WDPCP: variants seen among roughly 807,000 people sequenced by gnomAD.
The protein encoded by WDPCP is WD repeat-containing and planar cell polarity effector protein fritz homolog.
Under a neutral mutation model 93.1 loss-of-function variants are expected in WDPCP, and 71 were observed. That is an observed-to-expected ratio of 0.76 (90% CI 0.63 to 0.93). WDPCP has a LOEUF of 0.93. Among genes scored for constraint, WDPCP ranks in the 40% least tolerant of loss-of-function variants. The pLI, the probability that WDPCP is intolerant of heterozygous loss-of-function variation, is 0.00. For synonymous variants in WDPCP, 315 were observed against 315.0 expected (o/e 1.00, Z 0.00); for missense variants, 844 against 887.4 (o/e 0.95, Z 0.62).
chr2:63,433,358 TAAC>T (rs967488880), intron 9 of WDPCP, among the ~76,000 whole-genome samples: 1 of 152,334 alleles, frequency 6.6e-6, no homozygotes. Flanking sequence ...ATAATGATAA[TAAC>T]AAGAGTCATA....
chr2:63,370,967 T>G (rs963268101), intron 12 of WDPCP, among the ~76,000 whole-genome samples: 6 of 152,116 alleles, frequency 3.9e-5, no homozygotes, highest in African/African-American at 1.4e-4. Context: ...TTTTAAAAAT[T>G]TCGTGGCTCA....
At chr2:63,602,764 A>G (rs1454502942) in intron 3 of WDPCP, among the ~76,000 whole-genome samples, 1 of 152,106 alleles carries the variant, frequency 6.6e-6, no homozygotes, top group African/African-American at 2.4e-5. Flanking sequence ...AGAATTTACA[A>G]AAGTGGAATC....
intron 12 of WDPCP, among the ~76,000 whole-genome samples, chr2:63,345,233 C>G (rs1014386122): frequency 6.6e-6 from 1 of 152,148 alleles, no homozygotes; most frequent in African/African-American, 2.4e-5. Context: ...AAGTTTATCA[C>G]TGTATTTTCA....
chr2:63,582,618 C>T (rs1428512076), intron 1 of WDPCP, among the ~76,000 whole-genome samples: 1 of 151,990 alleles, frequency 6.6e-6, no homozygotes, highest in African/African-American at 2.4e-5. Flanking sequence ...TTGCAAGGCA[C>T]ATCATAATGA....
chr2:63,226,568 G>A (rs1217667528), intron 14 of WDPCP, among the ~76,000 whole-genome samples: 3 of 151,702 alleles, frequency 2.0e-5, no homozygotes, highest in Non-Finnish European at 3.0e-5. Flanking sequence ...CACCTGACAT[G>A]AAAATATTTC....
chr2:63,539,537 C>G (rs1242395544), intron 1 of WDPCP, among the ~76,000 whole-genome samples: 1 of 152,080 alleles, frequency 6.6e-6, no homozygotes, highest in Non-Finnish European at 1.5e-5. Context: ...CTCAAAAATA[C>G]AGAAATTAGC....
intron 1 of WDPCP, among the ~76,000 whole-genome samples, chr2:63,570,233 A>C (rs1707376300): frequency 6.6e-6 from 1 of 152,234 alleles, no homozygotes; most frequent in Admixed American, 6.5e-5. Flanking sequence ...CTGCAATAAA[A>C]TGAAATATTT....
intron 9 of WDPCP, among the ~76,000 whole-genome samples, chr2:63,428,909 A>G (rs946853784): frequency 6.6e-6 from 1 of 152,250 alleles, no homozygotes; most frequent in Non-Finnish European, 1.5e-5. Flanking sequence ...AAATAAATGG[A>G]AAAACATTCC....
intron 3 of WDPCP, chr2:63,599,053 T>A (rs1384471478): frequency 2.2e-6 from 2 of 908,514 alleles, no homozygotes; most frequent in African/African-American, 3.4e-5. Context: ...GTATTTGGTG[T>A]TTCCCAAGCC....
chr2:63,501,862 G>A (rs534704796), intron 1 of WDPCP, among the ~76,000 whole-genome samples: 1 of 152,220 alleles, frequency 6.6e-6, no homozygotes, highest in East Asian at 1.9e-4. Flanking sequence ...GTAATCCACT[G>A]GCCTCAGCTT....
intron 12 of WDPCP, among the ~76,000 whole-genome samples, chr2:63,346,976 G>A (rs1689236241): frequency 6.6e-6 from 1 of 152,056 alleles, no homozygotes; most frequent in South Asian, 2.1e-4. Context: ...TTTAATAATT[G>A]TCTATGGCAA....
rs554385716 is a variant in WDPCP, at chr2:63,386,771, A to G, written c.1436-4677T>C. 1.4e-4 allele frequency among the ~76,000 whole-genome samples: 21 copies of G among 152,202 alleles called. No homozygotes were observed. In the East Asian group the frequency reaches 4.1e-3, roughly 29 times the overall value. On this transcript the variant is annotated intron_variant, in intron 10 of 17. Coordinates refer to ENST00000272321, the MANE Select transcript of WDPCP (RefSeq NM_015910.7). ...TTTAATCTGTTAGCGAAAATCTGGA[A>G]ACAAACCAAACGTCCATCAATATGT...
upstream of WDPCP, among the ~76,000 whole-genome samples, chr2:63,831,546 C>T (rs1167071686): frequency 6.6e-6 from 1 of 152,030 alleles, no homozygotes; most frequent in East Asian, 1.9e-4. Flanking sequence ...TATATTGATG[C>T]TAAATGTATT....
chr2:63,504,886 T>A (rs549821696), intron 1 of WDPCP, among the ~76,000 whole-genome samples: 6 of 152,208 alleles, frequency 3.9e-5, no homozygotes, highest in African/African-American at 1.4e-4. Flanking sequence ...CCCTAAAGAA[T>A]CTTCCCACTA....
In WDPCP at chr2:63,697,505, A is replaced by G. The variant is rs145393826; in HGVS notation, n.309-46667T>C. Reference sequence around the variant, plus strand: ...CCAATTCCGTATCAAGCACTAAAAAATCGTATGATCATACACACAAAGAAA... The same window carrying G: ...CCAATTCCGTATCAAGCACTAAAAAGTCGTATGATCATACACACAAAGAAA... On this transcript the variant is annotated intron_variant and non_coding_transcript_variant, in intron 2 of 4. Coordinates refer to the WDPCP transcript ENST00000467687. Among the ~76,000 whole-genome samples, 1,210 of 152,352 alleles carry G rather than the reference A, an allele frequency of 7.9e-3. 11 individuals carry two copies. Among genetic ancestry groups the G allele is most frequent in the South Asian group, 0.026 (124 of 4,832 alleles).
chr2:63,282,607 G>A (rs1683655385), intron 13 of WDPCP, among the ~76,000 whole-genome samples: 1 of 152,028 alleles, frequency 6.6e-6, no homozygotes, highest in Non-Finnish European at 1.5e-5. Context: ...ATAAAACATA[G>A]ATTAAAATTG....
chr2:63,472,641 T>C (rs1327670205), intron 6 of WDPCP, among the ~76,000 whole-genome samples: 1 of 152,138 alleles, frequency 6.6e-6, no homozygotes, highest in African/African-American at 2.4e-5. Flanking sequence ...CAGGCTGGAG[T>C]ACAGTAGTGC....
chr2:63,553,088 C>T (rs1439348512), intron 1 of WDPCP, among the ~76,000 whole-genome samples: 1 of 152,170 alleles, frequency 6.6e-6, no homozygotes, highest in Non-Finnish European at 1.5e-5. Context: ...TTGGGGAAAG[C>T]AACAGTATTT....
chr2:63,404,778 G>T, intron 9 of WDPCP, 121 bp from the exon 10 acceptor site: 1 of 1,222,624 alleles, frequency 8.2e-7, no homozygotes, highest in Non-Finnish European at 1.2e-6. Context: ...TTAAACATCA[G>T]CAACATACAA....
Sources: allele counts gnomAD v4.1 joint callset (sites outside exome capture counted in the v4.1 genomes callset), GRCh38; gene constraint gnomAD v4.1.1; transcripts MANE v1.5; gene names NCBI Gene and HGNC (gene_info 2026-07-23, HGNC 2026-07-21).